TRDMT1: variants seen among roughly 807,000 people sequenced by gnomAD.
TRDMT1 encodes the protein tRNA aspartic acid methyltransferase 1, also known as tRNA (cytosine(38)-C(5))-methyltransferase.
Under a neutral mutation model 51.2 loss-of-function variants are expected in TRDMT1, and 49 were observed. That is an observed-to-expected ratio of 0.96 (90% CI 0.76 to 1.21). TRDMT1 has a LOEUF of 1.21. Among genes scored for constraint, TRDMT1 ranks in the 50% most tolerant of loss-of-function variants. The pLI, the probability that TRDMT1 is intolerant of heterozygous loss-of-function variation, is 0.00. For synonymous variants in TRDMT1, 187 were observed against 164.6 expected (o/e 1.14, Z -1.04); for missense variants, 534 against 462.3 (o/e 1.16, Z -1.42).
rs527678171 is a variant in TRDMT1 at position 17,195,168 on chromosome 10, G to T, written c.64+6403C>A. 1.0e-3 allele frequency among the ~76,000 whole-genome samples: 157 copies of T among 152,208 alleles called. 1 individual carries two copies. Among genetic ancestry groups the T allele is most frequent in the African/African-American group, 3.6e-3 (151 of 41,526 alleles). ...TTCTACCAAAAAGACACATATACTT[G>T]CATGTTCATCACAGCACTAGTCACA... On this transcript the variant is annotated intron_variant, in intron 1 of 10. Coordinates refer to ENST00000377799, the MANE Select transcript of TRDMT1 (RefSeq NM_004412.7).
intron 1 of TRDMT1, among the ~76,000 whole-genome samples, chr10:17,177,374 A>T (rs1301739424): frequency 6.6e-6 from 1 of 151,576 alleles, no homozygotes; most frequent in Non-Finnish European, 1.5e-5. Flanking sequence ...GCTAATTTCT[A>T]TATTTTTAGT....
intron 2 of TRDMT1, among the ~76,000 whole-genome samples, chr10:17,172,317 AAAAC>A (rs1376006920): frequency 3.9e-5 from 6 of 152,184 alleles, no homozygotes; most frequent in Non-Finnish European, 5.9e-5. Flanking sequence ...GTATTAAAAG[AAAAC>A]AAACAGATTT....
chr10:17,189,683 T>TA (rs756090135), intron 1 of TRDMT1, among the ~76,000 whole-genome samples: 16 of 152,202 alleles, frequency 1.1e-4, no homozygotes, highest in Admixed American at 2.0e-4. Flanking sequence ...AGCGATCTAT[T>TA]AAAGTTTAGC....
intron 7 of TRDMT1, among the ~76,000 whole-genome samples, chr10:17,158,348 G>A (rs1271580679): frequency 2.0e-5 from 3 of 152,056 alleles, no homozygotes; most frequent in Non-Finnish European, 2.9e-5. Context: ...ACCATTCCAG[G>A]AATTTTTAAT....
At chr10:17,173,359 T>C (rs1051377775) in intron 2 of TRDMT1, among the ~76,000 whole-genome samples, 5 of 151,928 alleles carry the variant, frequency 3.3e-5, no homozygotes, top group Non-Finnish European at 7.4e-5. Context: ...CACTCAACAA[T>C]AAAAAAGAGC....
At chr10:17,172,744 C>A (rs1421581291) in intron 2 of TRDMT1, among the ~76,000 whole-genome samples, 2 of 152,094 alleles carry the variant, frequency 1.3e-5, no homozygotes, top group African/African-American at 4.8e-5. Context: ...TTTAAAAGTT[C>A]TTTAATAGAT....
At chr10:17,156,741 T>C (rs757856735) in intron 8 of TRDMT1, among the ~76,000 whole-genome samples, 3 of 152,182 alleles carry the variant, frequency 2.0e-5, no homozygotes, top group Admixed American at 1.3e-4. Context: ...TCTATTTATA[T>C]TGTGCAGTGA....
Position 17,181,063 on chromosome 10 carries a change from C to A in TRDMT1, c.65-6403G>T, listed in dbSNP as rs57094675. The stretch of plus-strand genomic sequence containing the variant: ...TTATTTCTTCCTCCTCTTCAATAAC[C>A]AAACATCAAATTTATTCACTGTGGC... On this transcript the variant is annotated intron_variant, in intron 1 of 10. Transcript: ENST00000377799. 9.2e-3 allele frequency among the ~76,000 whole-genome samples: 1,392 copies of A among 152,032 alleles called. 27 individuals carry two copies. Among genetic ancestry groups the A allele is most frequent in the African/African-American group, 0.031 (1,301 of 41,476 alleles).
intron 8 of TRDMT1, among the ~76,000 whole-genome samples, chr10:17,156,439 T>C (rs1208475518): frequency 6.6e-6 from 1 of 152,066 alleles, no homozygotes; most frequent in Non-Finnish European, 1.5e-5. Context: ...TTCACCATGT[T>C]GGCCAGGCTA....
intron 8 of TRDMT1, among the ~76,000 whole-genome samples, chr10:17,155,260 A>G (rs537767996): frequency 1.3e-5 from 2 of 152,268 alleles, no homozygotes; most frequent in South Asian, 4.1e-4. Flanking sequence ...GAAACATGGC[A>G]CAGTTTTTTG....
At chr10:17,172,538 G>C (rs1432571364) in intron 2 of TRDMT1, among the ~76,000 whole-genome samples, 1 of 152,010 alleles carries the variant, frequency 6.6e-6, no homozygotes, top group Non-Finnish European at 1.5e-5. Flanking sequence ...TCACAGTGAA[G>C]ACAAAATAAA....
intron 3 of TRDMT1, among the ~76,000 whole-genome samples, chr10:17,166,219 A>T (rs939877534): frequency 6.6e-6 from 1 of 152,102 alleles, no homozygotes; most frequent in African/African-American, 2.4e-5. Flanking sequence ...TGTCCTTTGT[A>T]GGGACATGGA....
rs1211972291 is a variant in TRDMT1, at chr10:17,145,709, C to T, written c.*3331G>A. 1 of 985,380 alleles carries T rather than the reference C, an allele frequency of 1.0e-6. No homozygotes were observed. The highest frequency in any genetic ancestry group is 1.7e-5 in the African/African-American group (1 of 57,342). The allele number at this position is 985,380 out of a possible 1,614,324, so 61.0% of individuals were successfully genotyped here. On this transcript the variant is annotated 3_prime_UTR_variant, in exon 11 of 11. Transcript: ENST00000377799. ...TTTGGTCCTTATTGTGTTATCTTGG[C>T]TTTTTTAGAAACCGCTTGTTTCTAA... is the stretch of plus-strand genomic sequence containing the variant.
At chr10:17,157,302 A>T in intron 8 of TRDMT1, 139 bp downstream of exon 8, 1 of 741,320 alleles carries the variant, frequency 1.3e-6, no homozygotes, top group Non-Finnish European at 2.1e-6. Context: ...AACATGAAGT[A>T]GGCAATTAAG....
At chr10:17,169,495 C>T in intron 2 of TRDMT1, 1 of 1,289,730 alleles carries the variant, frequency 7.8e-7, no homozygotes, top group Non-Finnish European at 1.0e-6. Context: ...CAAAAGAATT[C>T]CTAATGGGCT....
In TRDMT1 at chr10:17,159,312, A is replaced by G. The variant is rs1399506010; in HGVS notation, c.460-83T>C. ...TTTAGCACCAAGTTAAACAGCAACAACAAAAAACTCAAACGAGCCTACATT... is the reference window on the plus strand; with the variant it reads ...TTTAGCACCAAGTTAAACAGCAACAGCAAAAAACTCAAACGAGCCTACATT... On this transcript the variant is annotated intron_variant, in intron 6 of 10. Coordinates refer to ENST00000377799, the MANE Select transcript of TRDMT1 (RefSeq NM_004412.7). The G allele has an allele frequency of 4.2e-6, 4 of 957,406 alleles. No individual in the cohort carries two copies. The Admixed American group carries it at 7.8e-5, about 19-fold the overall frequency. 59.3% of individuals were successfully genotyped at this position (957,406 alleles called of 1,614,324 possible).
chr10:17,182,474 C>G (rs1316107360), intron 1 of TRDMT1, among the ~76,000 whole-genome samples: 1 of 152,174 alleles, frequency 6.6e-6, no homozygotes, highest in Non-Finnish European at 1.5e-5. Flanking sequence ...TGAGGAGAAG[C>G]ATTTCAAATT....
rs1837712008 is a variant in TRDMT1, at chr10:17,141,746, A to G, written c.*7294T>C. Among the ~76,000 whole-genome samples the G allele has an allele frequency of 6.6e-6, 1 of 152,246 alleles. No homozygotes were observed. The highest frequency in any genetic ancestry group is 1.5e-5 in the Non-Finnish European group (1 of 68,052). ...ACTGATCTCAAGTTTAGCAAAAGAT[A>G]TAAATGTACAGATTCAAGAAGGTGA... On this transcript the variant is annotated 3_prime_UTR_variant, in exon 11 of 11. Transcript: ENST00000377799.
At chr10:17,179,013 G>A (rs771830857) in intron 1 of TRDMT1, among the ~76,000 whole-genome samples, 1 of 152,036 alleles carries the variant, frequency 6.6e-6, no homozygotes, top group Non-Finnish European at 1.5e-5. Flanking sequence ...CCAGAGAAGT[G>A]GTGGAAGAGA....
Sources: gnomAD v4.1 joint callset for allele counts (sites outside exome capture counted in the v4.1 genomes callset) on GRCh38, gnomAD v4.1.1 for gene constraint, MANE v1.5 for transcripts, NCBI Gene and HGNC (gene_info 2026-07-23, HGNC 2026-07-21) for gene names.